TRPC4AP: variants seen among roughly 807,000 people sequenced by gnomAD.
The protein encoded by TRPC4AP is transient receptor potential cation channel subfamily C member 4 associated protein, also known as short transient receptor potential channel 4-associated protein.
In TRPC4AP, 45 loss-of-function variants were observed where a neutral mutation model predicts 99.0. That is an observed-to-expected ratio of 0.45 (90% CI 0.36 to 0.58). The LOEUF (loss-of-function observed/expected upper bound fraction) is 0.58, where lower values mean the gene tolerates loss of function less well. TRPC4AP is among the 20% of genes least tolerant of loss of function. TRPC4AP has a pLI of 0.00. For synonymous variants in TRPC4AP, 408 were observed against 385.8 expected (o/e 1.06, Z -0.67); for missense variants, 879 against 985.3 (o/e 0.89, Z 1.44).
intron 8 of TRPC4AP, among the ~76,000 whole-genome samples, chr20:35,028,716 G>A (rs1032908592): frequency 5.3e-5 from 8 of 152,082 alleles, no homozygotes; most frequent in Non-Finnish European, 1.0e-4. Context: ...TAAGTCTTCT[G>A]TTTCCCTGTT....
At chr20:35,082,350 C>G (rs138983950) in intron 1 of TRPC4AP, among the ~76,000 whole-genome samples, 5 of 152,264 alleles carry the variant, frequency 3.3e-5, no homozygotes, top group African/African-American at 1.2e-4. Flanking sequence ...AAATGACCAG[C>G]TGCTAGGCCA....
At chr20:35,037,721 A>G (rs967425269) in intron 7 of TRPC4AP, among the ~76,000 whole-genome samples, 1 of 152,238 alleles carries the variant, frequency 6.6e-6, no homozygotes, top group African/African-American at 2.4e-5. Flanking sequence ...GTTGCGGTCA[A>G]CAACGACCAC....
At chr20:35,010,762 C>G (rs2082617229) in intron 11 of TRPC4AP, among the ~76,000 whole-genome samples, 1 of 152,112 alleles carries the variant, frequency 6.6e-6, no homozygotes, top group Non-Finnish European at 1.5e-5. Context: ...TCCCAGGACA[C>G]CAGCTCCCTT....
At chr20:35,005,863 CG>C in intron 15 of TRPC4AP, 60 bp from the exon 16 acceptor site, 21 of 1,508,908 alleles carry the variant, frequency 1.4e-5, no homozygotes, top group Non-Finnish European at 1.7e-5. Context: ...GGCCATGGCC[CG>C]GGGGGATAGT....
chr20:35,052,098 GTT>G (rs5841189), intron 5 of TRPC4AP, among the ~76,000 whole-genome samples: 13 of 138,004 alleles, frequency 9.4e-5, no homozygotes, highest in East Asian at 2.1e-4. Context: ...TTTTTTTTTG[GTT>G]TTTTTTTTTT....
intron 3 of TRPC4AP, among the ~76,000 whole-genome samples, chr20:35,061,537 C>T (rs2084007886): frequency 6.6e-6 from 1 of 152,140 alleles, no homozygotes; most frequent in African/African-American, 2.4e-5. Flanking sequence ...CAATCTTGAT[C>T]TGTAAATACA....
intron 3 of TRPC4AP, among the ~76,000 whole-genome samples, chr20:35,058,775 C>T (rs1475760395): frequency 5.3e-5 from 8 of 149,834 alleles, no homozygotes; most frequent in African/African-American, 9.9e-5. Context: ...CTGCAACCTC[C>T]GCCTCCTGGG....
At chr20:35,005,987 C>T (rs1258394215) in intron 15 of TRPC4AP, among the ~76,000 whole-genome samples, 184 bp from the exon 16 acceptor site, 14 of 152,194 alleles carry the variant, frequency 9.2e-5, no homozygotes, top group Admixed American at 5.9e-4. Context: ...AGAGGCACTC[C>T]CCGGAATTCA....
chr20:35,072,044 A>G (rs2084331704), intron 2 of TRPC4AP, among the ~76,000 whole-genome samples: 1 of 152,206 alleles, frequency 6.6e-6, no homozygotes, highest in African/African-American at 2.4e-5. Context: ...AGTGATGATG[A>G]GCATTTTTTC....
rs569855365 is a variant in TRPC4AP at position 35,047,230 on chromosome 20, G to A, written c.658-2518C>T. Among the ~76,000 whole-genome samples, 12 of 152,324 alleles carry A rather than the reference G, an allele frequency of 7.9e-5. No homozygotes were observed. In the South Asian group the frequency reaches 2.3e-3, roughly 29 times the overall value. ...TACGTATTATGCAGCACAACAAAAT[G>A]ACTAGCTGTGTGTGCCTTTCCTATT... On this transcript the variant is annotated intron_variant, in intron 6 of 18. Coordinates refer to ENST00000252015, the MANE Select transcript of TRPC4AP (RefSeq NM_015638.3).
At chr20:35,084,602 GTATA>G (rs1871706658) in intron 1 of TRPC4AP, among the ~76,000 whole-genome samples, 1 of 127,546 alleles carries the variant, frequency 7.8e-6, no homozygotes, top group African/African-American at 2.9e-5. Flanking sequence ...GCATATATGT[GTATA>G]TGTATATATG....
At chr20:35,029,725 T>A (rs1441620192) in intron 8 of TRPC4AP, among the ~76,000 whole-genome samples, 1 of 133,372 alleles carries the variant, frequency 7.5e-6, no homozygotes. Flanking sequence ...AAGCTCCGCC[T>A]CCTGGGTTCA....
intron 8 of TRPC4AP, among the ~76,000 whole-genome samples, chr20:35,034,418 T>C (rs971619802): frequency 4.6e-5 from 7 of 152,132 alleles, no homozygotes; most frequent in South Asian, 2.1e-4. Flanking sequence ...GTATGTGGGA[T>C]AGAGCTTCCA....
intron 6 of TRPC4AP, among the ~76,000 whole-genome samples, chr20:35,049,287 C>G (rs1199474642): frequency 1.3e-5 from 2 of 149,738 alleles, no homozygotes; most frequent in Admixed American, 1.3e-4. Context: ...TATGGGTCAT[C>G]CGAATATTAA....
chr20:35,086,469 GTGTGTGTA>G (rs1252671329), intron 1 of TRPC4AP, among the ~76,000 whole-genome samples: 27 of 69,562 alleles, frequency 3.9e-4, no homozygotes, highest in African/African-American at 7.8e-4. Context: ...GTGTGTGTGT[GTGTGTGTA>G]TGTGTGTGTA....
chr20:35,077,728 C>T (rs1233328785), intron 2 of TRPC4AP, among the ~76,000 whole-genome samples: 2 of 152,132 alleles, frequency 1.3e-5, no homozygotes, highest in Admixed American at 6.5e-5. Flanking sequence ...CTTCTAAACC[C>T]TTTTCAAAAA....
At chr20:35,042,345 T>A (rs8121148) in intron 7 of TRPC4AP, among the ~76,000 whole-genome samples, 2,383 of 152,298 alleles carry the variant, frequency 0.016, 78 homozygotes, top group African/African-American at 0.054. Flanking sequence ...GATCACCTCA[T>A]GTTCCTAACT....
intron 6 of TRPC4AP, among the ~76,000 whole-genome samples, chr20:35,049,271 T>A (rs1023028767): frequency 1.3e-5 from 2 of 151,832 alleles, no homozygotes; most frequent in South Asian, 2.1e-4. Flanking sequence ...TTTTTTTTTT[T>A]AAAGTTATGG....
At chr20:35,049,256 G>GGT (rs1213297879) in intron 6 of TRPC4AP, among the ~76,000 whole-genome samples, 1 of 140,012 alleles carries the variant, frequency 7.1e-6, no homozygotes, top group Non-Finnish European at 1.6e-5. Context: ...GATCATAGCT[G>GGT]TTTTTTTTTT....
Sources: allele counts gnomAD v4.1 joint callset (sites outside exome capture counted in the v4.1 genomes callset), GRCh38; gene constraint gnomAD v4.1.1; transcripts MANE v1.5; gene names NCBI Gene and HGNC (gene_info 2026-07-23, HGNC 2026-07-21).